SGMS1: variants seen among roughly 807,000 people sequenced by gnomAD.
SGMS1 encodes sphingomyelin synthase 1.
Under a neutral mutation model 46.2 loss-of-function variants are expected in SGMS1, and 13 were observed. The observed-to-expected ratio is 0.28, with a 90% confidence interval of 0.18 to 0.45. SGMS1 has a LOEUF of 0.45. Ranked by LOEUF, SGMS1 falls within the 20% of genes least tolerant of loss-of-function variation. The probability of loss-of-function intolerance (pLI) is 1.00; values close to 1 mark genes in which losing one functional copy is unlikely to be tolerated. For synonymous variants in SGMS1, 203 were observed against 187.8 expected (o/e 1.08, Z -0.66); for missense variants, 324 against 519.9 (o/e 0.62, Z 3.66).
intron 1 of SGMS1, among the ~76,000 whole-genome samples, chr10:50,598,000 G>GA (rs1838611699): frequency 7.1e-6 from 1 of 141,492 alleles, no homozygotes; most frequent in Non-Finnish European, 1.5e-5. Context: ...CAACAAGAGT[G>GA]AAACTCCGTC....
Position 50,444,973 on chromosome 10 carries a change from C to T in SGMS1, c.-312-11417G>A, listed in dbSNP as rs543357943. Among the ~76,000 whole-genome samples the T allele has an allele frequency of 1.9e-4, 29 of 152,166 alleles. 1 individual carries two copies. The highest frequency in any genetic ancestry group is 6.5e-4 in the Admixed American group (10 of 15,270). On this transcript the variant is annotated intron_variant, in intron 5 of 10. Transcript: ENST00000361781. The stretch of plus-strand genomic sequence containing the variant: ...CCATACATGTATCTGACCAAAGACA[C>T]GTATCCAGAATATATAAAGAACCAC...
In SGMS1 at chr10:50,385,593, C is replaced by T. The variant is rs549104217; in HGVS notation, c.-231-41248G>A. On this transcript the variant is annotated intron_variant, in intron 6 of 10. Coordinates refer to ENST00000361781, the MANE Select transcript of SGMS1 (RefSeq NM_147156.4). ...TGAAATCAATCACTGTTCTTTTAAG[C>T]GAGTTGTCATGTTCTGCGAAATAAT... Among the ~76,000 whole-genome samples the T allele has an allele frequency of 7.2e-5, 11 of 152,092 alleles. No homozygotes were observed. The South Asian group carries it at 1.0e-3, about 14-fold the overall frequency.
rs780069182 is a variant in SGMS1 at position 50,327,283 on chromosome 10, C to T, written c.663G>A (p.Thr221=). 2.1e-5 allele frequency: 33 copies of T among 1,609,586 alleles called. No homozygotes were observed. The highest frequency in any genetic ancestry group is 1.0e-4 in the Admixed American group (6 of 59,748). ...TTGTAATACACCGATACAGGTACAG[C>T]GTGCCAACTATGCAGAAAAATCTTC... ...ISRRFFCIVG[T]LYLYRCITMY... The change falls in exon 8 of 11, where the codon ACG becomes ACA. Residue 221 remains threonine (T), a synonymous_variant. Coordinates refer to ENST00000361781, the MANE Select transcript of SGMS1 (RefSeq NM_147156.4).
chr10:50,601,579 C>T (rs1428216988), intron 1 of SGMS1, among the ~76,000 whole-genome samples: 1 of 152,192 alleles, frequency 6.6e-6, no homozygotes, highest in African/African-American at 2.4e-5. Context: ...AAGTGGCTTA[C>T]CCTAGGCCTT....
intron 1 of SGMS1, among the ~76,000 whole-genome samples, chr10:50,621,462 A>G (rs1838849201): frequency 6.6e-6 from 1 of 152,248 alleles, no homozygotes; most frequent in Non-Finnish European, 1.5e-5. Flanking sequence ...CTCTAACCAT[A>G]TTAATACAGA....
chr10:50,434,306 C>T (rs990962593), intron 5 of SGMS1, among the ~76,000 whole-genome samples: 10 of 152,094 alleles, frequency 6.6e-5, no homozygotes, highest in Admixed American at 2.6e-4. Context: ...TAAAAATACC[C>T]GACTTTTACC....
chr10:50,307,309 C>T lies in SGMS1; in HGVS notation c.1075G>A (p.Ala359Thr), dbSNP rs1847192630. 1 of 1,612,990 alleles carries T rather than the reference C, an allele frequency of 6.2e-7. No individual in the cohort carries two copies. Residue 359 changes from alanine (A) to threonine (T), a missense_variant, in exon 11 of 11, where the codon GCT (alanine) becomes ACT (threonine). By Grantham distance (58) the Ala-to-Thr change is moderately conservative. This residue lies in a region of SGMS1 where 174 missense variants were observed against 350.1 expected (regional missense o/e 0.50). Transcript: ENST00000361781. This position sits in a 1 kb window ranked among gnomAD's most constrained non-coding sequence, Gnocchi z 4.2. ...CTGGCCAGGAGGTTCATCTGGGAAG[C>T]TTCCTTTAGCACCTAGGATAACAAA... is the stretch of plus-strand genomic sequence containing the variant. ...TMANQQVLKE[A>T]SQMNLLARVW... is the part of the protein sequence containing the mutation.
intron 1 of SGMS1, among the ~76,000 whole-genome samples, chr10:50,593,026 G>C (rs942386997): frequency 6.6e-6 from 1 of 151,312 alleles, no homozygotes; most frequent in Non-Finnish European, 1.5e-5. Flanking sequence ...AAATGCTGGC[G>C]TGAGACTGCA....
At chr10:50,349,765 G>A (rs1342402925) in intron 6 of SGMS1, among the ~76,000 whole-genome samples, 1 of 152,180 alleles carries the variant, frequency 6.6e-6, no homozygotes, top group Admixed American at 6.5e-5. Context: ...CATGTAAGAA[G>A]TGCCTGTCAC....
chr10:50,516,991 G>A lies in SGMS1; in HGVS notation c.-498+2840C>T, dbSNP rs540114238. ...AGGTAACTATGAATACCAGCAATGG[G>A]GTGGGGCAACTAGACATCCAAGTTT... On this transcript the variant is annotated intron_variant, in intron 3 of 10. Coordinates refer to ENST00000361781, the MANE Select transcript of SGMS1 (RefSeq NM_147156.4). Among the ~76,000 whole-genome samples the A allele has an allele frequency of 7.2e-5, 11 of 152,176 alleles. No homozygotes were observed. The South Asian group carries it at 2.3e-3, about 32-fold the overall frequency.
intron 6 of SGMS1, among the ~76,000 whole-genome samples, chr10:50,349,391 T>C (rs1847967764): frequency 6.6e-6 from 1 of 152,244 alleles, no homozygotes; most frequent in African/African-American, 2.4e-5. Context: ...ATGTGTGTGC[T>C]ATGGTAGAAA....
chr10:50,349,107 G>A (rs957016144), intron 6 of SGMS1, among the ~76,000 whole-genome samples: 6 of 152,222 alleles, frequency 3.9e-5, no homozygotes, highest in Non-Finnish European at 8.8e-5. Context: ...GCAAAGGTGA[G>A]CCCCATCAGG....
intron 6 of SGMS1, among the ~76,000 whole-genome samples, chr10:50,347,048 T>C (rs1325539949): frequency 6.6e-6 from 1 of 152,182 alleles, no homozygotes; most frequent in Non-Finnish European, 1.5e-5. Flanking sequence ...CTTTTAAAGA[T>C]ATTTCAGACT....
At chr10:50,624,512 C>T (rs182956995), upstream of SGMS1, 2 of 861,522 alleles carry the variant, frequency 2.3e-6, no homozygotes, top group East Asian at 1.2e-4. Flanking sequence ...AAGCCTCTGG[C>T]GACGCCTGGG....
intron 3 of SGMS1, among the ~76,000 whole-genome samples, chr10:50,513,026 A>G (rs2133776196): frequency 6.6e-6 from 1 of 152,332 alleles, no homozygotes; most frequent in Non-Finnish European, 1.5e-5. Flanking sequence ...TTTCACTTGT[A>G]ATTTTTGTAG....
chr10:50,376,002 T>A (rs1848516931), intron 6 of SGMS1, among the ~76,000 whole-genome samples: 1 of 152,128 alleles, frequency 6.6e-6, no homozygotes, highest in Non-Finnish European at 1.5e-5. Flanking sequence ...CGGCATTTGT[T>A]TATTTTTACT....
rs16936658 is a variant in SGMS1, at chr10:50,428,696, A to C, written c.-232+4780T>G. Among the ~76,000 whole-genome samples the C allele has an allele frequency of 4.5e-3, 691 of 152,298 alleles. 15 individuals carry two copies. The East Asian group carries it at 0.051, about 11-fold the overall frequency. On this transcript the variant is annotated intron_variant, in intron 6 of 10. Transcript: ENST00000361781. ...AGGCCTCAGCAGTGCCTGAACTACA[A>C]CACCAAATCTGGTACTCTCTCACCC...
At chr10:50,514,170 C>T (rs2133777929) in intron 3 of SGMS1, among the ~76,000 whole-genome samples, 1 of 152,286 alleles carries the variant, frequency 6.6e-6, no homozygotes, top group Middle Eastern at 3.4e-3. Context: ...ATAGGTATTT[C>T]TAAATGATGC....
chr10:50,592,647 T>C (rs866952390), intron 1 of SGMS1, among the ~76,000 whole-genome samples: 3 of 152,174 alleles, frequency 2.0e-5, no homozygotes, highest in African/African-American at 4.8e-5. Context: ...CCTTTCCTCA[T>C]GGCCTTTCCC....
Sources: allele counts gnomAD v4.1 joint callset (sites outside exome capture counted in the v4.1 genomes callset), GRCh38; gene constraint gnomAD v4.1.1; regional missense constraint gnomAD v4.1.1; non-coding constraint Gnocchi (gnomAD v3.1); transcripts MANE v1.5; gene names NCBI Gene and HGNC (gene_info 2026-07-23, HGNC 2026-07-21).